Variants in EEA1 observed in about 807,000 individuals in gnomAD.
The protein encoded by EEA1 is early endosome antigen 1, 162kD.
A neutral mutation model predicts 209.2 loss-of-function variants in EEA1; 111 were observed. The ratio of observed to expected loss-of-function variants is 0.53; its 90% CI spans 0.45 to 0.62. The LOEUF (loss-of-function observed/expected upper bound fraction) is 0.62, where lower values mean the gene tolerates loss of function less well. Ranked by LOEUF, EEA1 falls within the 20% of genes least tolerant of loss-of-function variation. EEA1 has a pLI of 0.00. For missense variants in EEA1, 1,343 were observed against 1,530.8 expected, an observed-to-expected ratio of 0.88 and a Z score of 2.05; for synonymous variants, 536 against 540.6, an observed-to-expected ratio of 0.99 and a Z score of 0.12.
intron 1 of EEA1, among the ~76,000 whole-genome samples, chr12:92,896,216 C>G (rs753040163): frequency 1.3e-5 from 2 of 152,144 alleles, no homozygotes; most frequent in African/African-American, 2.4e-5. Flanking sequence ...TCGTGATCCA[C>G]CCACTTCGGC....
chr12:92,831,172 T>C (rs972090141), intron 11 of EEA1, among the ~76,000 whole-genome samples: 1 of 152,092 alleles, frequency 6.6e-6, no homozygotes, highest in Non-Finnish European at 1.5e-5. Context: ...TTATTAATTA[T>C]AGTAAAATAA....
intron 13 of EEA1, among the ~76,000 whole-genome samples, chr12:92,824,834 A>C (rs1306941244): frequency 6.6e-6 from 1 of 152,214 alleles, no homozygotes; most frequent in African/African-American, 2.4e-5. Context: ...ATGAGAGCAG[A>C]TATTTTTGTC....
At chr12:92,883,136 G>A (rs1045880849) in intron 2 of EEA1, among the ~76,000 whole-genome samples, 4 of 152,132 alleles carry the variant, frequency 2.6e-5, no homozygotes, top group South Asian at 4.2e-4. Flanking sequence ...ATCTCATTGC[G>A]GTTTTGATTT....
At position 92,811,311 on chromosome 12, in the gene EEA1, G is replaced by A; in HGVS notation, c.2167C>T (p.Gln723Ter). Residue 723 changes from glutamine (Q) to a stop codon, truncating the protein, a stop_gained, in exon 17 of 29, where the codon CAG becomes TAG. Transcript: ENST00000322349. LOFTEE classifies it high-confidence loss of function. ...EYKEKYLSLE[Q>*]KTEELEGQIK... is the part of the protein sequence containing the mutation. Reference sequence around the variant, plus strand: ...TGACCTTCTAGCTCTTCGGTTTTCTGTTCTAAAGAGAGGTATTTCTCTTTA... The same window carrying A: ...TGACCTTCTAGCTCTTCGGTTTTCTATTCTAAAGAGAGGTATTTCTCTTTA... 2 of 1,586,328 alleles carry A rather than the reference G, an allele frequency of 1.3e-6. No homozygotes were observed. Among genetic ancestry groups the A allele is most frequent in the South Asian group, 1.2e-5 (1 of 86,456 alleles).
intron 15 of EEA1, 56 bp from the exon 16 acceptor site, chr12:92,813,149 C>T: frequency 8.8e-7 from 1 of 1,138,422 alleles, no homozygotes; most frequent in Non-Finnish European, 1.3e-6. Context: ...TTTCCTCTTG[C>T]TTGAACGCAC....
chr12:92,855,335 C>A (rs1592738671), intron 5 of EEA1, among the ~76,000 whole-genome samples: 2 of 151,594 alleles, frequency 1.3e-5, no homozygotes, highest in South Asian at 4.2e-4. Flanking sequence ...AAGGCTGAGG[C>A]AGGAGAATGC....
chr12:92,920,864 A>C (rs920442398), intron 1 of EEA1, among the ~76,000 whole-genome samples: 5 of 151,108 alleles, frequency 3.3e-5, no homozygotes, highest in African/African-American at 1.2e-4. Flanking sequence ...CAAAGGGCTA[A>C]TATCCAGAAT....
chr12:92,842,847 C>G (rs984134801), intron 9 of EEA1, among the ~76,000 whole-genome samples: 1 of 152,148 alleles, frequency 6.6e-6, no homozygotes, highest in African/African-American at 2.4e-5. Flanking sequence ...TCTGAAGTAT[C>G]AAATTGCAAA....
intron 11 of EEA1, among the ~76,000 whole-genome samples, chr12:92,830,139 C>T (rs1466395305): frequency 1.3e-5 from 2 of 151,914 alleles, no homozygotes; most frequent in Non-Finnish European, 2.9e-5. Flanking sequence ...TGCACTTTTA[C>T]CCCCTAAATA....
Position 92,925,993 on chromosome 12 carries a change from T to A in EEA1, c.24+3050A>T, listed in dbSNP as rs563258888. Reference sequence around the variant, plus strand: ...AACAAAATGCTAAAGGAATGCCACATAATTTTTTTTTTTTTTTTAGACGGA... The same window carrying A: ...AACAAAATGCTAAAGGAATGCCACAAAATTTTTTTTTTTTTTTTAGACGGA... On this transcript the variant is annotated intron_variant, in intron 1 of 28. Transcript: ENST00000322349. 2.6e-3 allele frequency among the ~76,000 whole-genome samples: 392 copies of A among 151,560 alleles called. 3 individuals carry two copies. Among genetic ancestry groups the A allele is most frequent in the African/African-American group, 8.8e-3 (362 of 41,082 alleles).
chr12:92,888,201 G>A (rs1359747799), intron 2 of EEA1, among the ~76,000 whole-genome samples: 3 of 152,170 alleles, frequency 2.0e-5, no homozygotes, highest in South Asian at 2.1e-4. Flanking sequence ...TTTCAAGAAC[G>A]AGCATGAAAT....
intron 1 of EEA1, among the ~76,000 whole-genome samples, chr12:92,892,624 G>C (rs1454222405): frequency 6.7e-6 from 1 of 148,540 alleles, no homozygotes; most frequent in Admixed American, 6.7e-5. Flanking sequence ...ATCCAGGCTG[G>C]AGCATAGTGG....
At chr12:92,798,172 T>C (rs1025118388) in intron 21 of EEA1, among the ~76,000 whole-genome samples, 6 of 152,192 alleles carry the variant, frequency 3.9e-5, no homozygotes, top group African/African-American at 1.4e-4. Flanking sequence ...ACTTAAAATA[T>C]TAATAATTAA....
intron 9 of EEA1, among the ~76,000 whole-genome samples, chr12:92,846,746 A>G (rs1353938925): frequency 6.6e-6 from 1 of 152,242 alleles, no homozygotes; most frequent in Non-Finnish European, 1.5e-5. Flanking sequence ...CCAGGCAAAA[A>G]GAAGTCAATG....
At chr12:92,817,729 C>G (rs928220512) in intron 14 of EEA1, among the ~76,000 whole-genome samples, 2 of 152,230 alleles carry the variant, frequency 1.3e-5, no homozygotes, top group African/African-American at 4.8e-5. Context: ...ATTGTGACCA[C>G]TCTCGATTTT....
chr12:92,857,318 T>C lies in EEA1; in HGVS notation c.323A>G (p.Glu108Gly). 5 of 1,594,154 alleles carry C rather than the reference T, an allele frequency of 3.1e-6. No individual in the cohort carries two copies. Among genetic ancestry groups the C allele is most frequent in the Non-Finnish European group, 2.6e-6 (3 of 1,173,044 alleles). Reference sequence around the variant, plus strand: ...ATATTTTTCTAATTCCTTCTTTAATTCTTCCGAGTACCATTTTTCTTCCTA... The same window carrying C: ...ATATTTTTCTAATTCCTTCTTTAATCCTTCCGAGTACCATTTTTCTTCCTA... ...SLKEEKWYSE[E>G]LKKELEKYQG... The change falls in exon 5 of 29, where the codon GAA becomes GGA. Residue 108 changes from glutamate to glycine, a missense_variant. Glu to Gly is a moderately conservative substitution (Grantham distance 98). Around this residue, in one of 3 missense-constraint regions of EEA1, gnomAD observed 1,307 missense variants for 1,465.5 expected, o/e 0.89. Transcript: ENST00000322349.
chr12:92,864,992 A>G lies in EEA1; in HGVS notation c.118-5T>C, dbSNP rs1878313759. On this transcript the variant is annotated splice_polypyrimidine_tract_variant and splice_region_variant and intron_variant, in intron 2 of 28. Coordinates refer to ENST00000322349, the MANE Select transcript of EEA1 (RefSeq NM_003566.4). ...ACACTGGGGACATATGAAACCCTATAGAAAGGGGCAGAAAAAAGTTTCAAA... is the reference window on the plus strand; with the variant it reads ...ACACTGGGGACATATGAAACCCTATGGAAAGGGGCAGAAAAAAGTTTCAAA... The G allele has an allele frequency of 1.9e-6, 3 of 1,574,470 alleles. No homozygotes were observed. Among genetic ancestry groups the G allele is most frequent in the Non-Finnish European group, 2.6e-6 (3 of 1,166,780 alleles).
chr12:92,914,924 A>C (rs1880713045), intron 1 of EEA1, among the ~76,000 whole-genome samples: 1 of 152,082 alleles, frequency 6.6e-6, no homozygotes, highest in Non-Finnish European at 1.5e-5. Flanking sequence ...TCGGCTTCCC[A>C]AAGTGCTGGG....
In EEA1 at chr12:92,864,881, TCTC is replaced by T; in HGVS notation, c.221_223del (p.Gly74del). 2 of 1,605,042 alleles carry T rather than the reference TCTC, an allele frequency of 1.2e-6. No homozygotes were observed. Among genetic ancestry groups the T allele is most frequent in the African/African-American group, 2.7e-5 (2 of 74,706 alleles). On this transcript the variant is annotated inframe_deletion, in exon 3 of 29. Transcript: ENST00000322349. ...GTACCGCTTCAAAGCAAGATTAGAC[TCTC>T]CTCCATGACCTGAGTCATTACCAGC... is the stretch of plus-strand genomic sequence containing the variant.
Sources: gnomAD v4.1 joint callset for allele counts (sites outside exome capture counted in the v4.1 genomes callset) on GRCh38, gnomAD v4.1.1 for gene constraint, gnomAD v4.1.1 regional missense constraint, MANE v1.5 for transcripts, NCBI Gene and HGNC (gene_info 2026-07-23, HGNC 2026-07-21) for gene names.